The following NOL3 variants were observed in gnomAD, a reference collection of about 807,000 sequenced individuals.
NOL3 encodes the protein nucleolar protein 3, also known as muscle-enriched cytoplasmic protein.
A neutral mutation model predicts 19.2 loss-of-function variants in NOL3; 18 were observed. The observed-to-expected ratio is 0.94, with a 90% CI of 0.65 to 1.39. NOL3 has a LOEUF of 1.39. Among genes scored for constraint, NOL3 ranks in the 40% most tolerant of loss-of-function variants. The pLI is 0.00. For missense variants in NOL3, 290 were observed against 289.5 expected (o/e 1.00, Z -0.01); for synonymous variants, 127 against 137.3 (o/e 0.93, Z 0.52).
chr16:67,173,659 G>A (rs781151259), intron 1 of NOL3: 4 of 588,354 alleles, frequency 6.8e-6, no homozygotes, highest in African/African-American at 5.6e-5. Context: ...AGGATGGTGA[G>A]AGAAATATTC....
At chr16:67,175,105 G>A (rs2032095213) in exon 4 of NOL3, 1 of 1,614,150 alleles carries the variant, frequency 6.2e-7, no homozygotes, top group Non-Finnish European at 8.5e-7. Context: ...TAGGACCTGG[G>A]ATGCTGCTGG....
intron 1 of NOL3, chr16:67,171,149 T>G (rs1313732124): frequency 6.6e-6 from 1 of 152,200 alleles, no homozygotes; most frequent in Non-Finnish European, 1.5e-5. Flanking sequence ...CTGTCCCGAG[T>G]AGGTGCTGTC....
chr16:67,174,745 G>C (rs2032049045), exon 3 of NOL3: 1 of 1,610,130 alleles, frequency 6.2e-7, no homozygotes, highest in South Asian at 1.1e-5. Context: ...GGGGCCCTGA[G>C]GGCTCCGAGG....
rs747338451 is a variant in NOL3, at chr16:67,174,412, G to GC, written c.244dup (p.Arg82ProfsTer25). 1.9e-5 allele frequency: 29 copies of GC among 1,534,668 alleles called. No individual in the cohort carries two copies. The African/African-American group carries it at 3.4e-4, about 18-fold the overall frequency. ...GCCAGGAGCTGCTACGCTGTGCCCA[G>GC]CGTACCGCGGGCGCGCCGGACCCCG... On this transcript the variant is annotated frameshift_variant, in exon 2 of 4. Coordinates refer to ENST00000268605, the Ensembl canonical transcript of NOL3. LOFTEE classifies it high-confidence loss of function.
exon 2 of NOL3, chr16:67,174,250 G>C (rs2031970730): frequency 1.2e-6 from 2 of 1,612,626 alleles, no homozygotes; most frequent in Admixed American, 1.7e-5. Flanking sequence ...AGGCGGACTC[G>C]GGACTGCTGT....
chr16:67,174,498 G>T, intron 2 of NOL3, 34 bp downstream of exon 2: 1 of 1,470,502 alleles, frequency 6.8e-7, no homozygotes, highest in African/African-American at 1.4e-5. Flanking sequence ...GGGCAGAGCA[G>T]GGACGGGGCT....
At chr16:67,173,034 G>A (rs1356408162) in intron 1 of NOL3, 1 of 146,466 alleles carries the variant, frequency 6.8e-6, no homozygotes, top group Non-Finnish European at 1.5e-5. Context: ...GGAGGCGGAG[G>A]TTGCAGTGAG....
At chr16:67,175,138 G>T (rs1001641499) in exon 4 of NOL3, 2 of 1,612,860 alleles carry the variant, frequency 1.2e-6, no homozygotes, top group African/African-American at 1.3e-5. Flanking sequence ...TGCCACCAAG[G>T]CTCGGTCCAG....
chr16:67,171,032 GA>G (rs958957844), intron 1 of NOL3: 3 of 152,296 alleles, frequency 2.0e-5, no homozygotes, highest in African/African-American at 7.2e-5. Context: ...TCTACCCCCA[GA>G]CAGGATAAAG....
chr16:67,175,418 T>A, exon 4 of NOL3: 1 of 1,041,338 alleles, frequency 9.6e-7, no homozygotes, highest in Non-Finnish European at 1.2e-6. Flanking sequence ...TTTCCCCTGG[T>A]GAGCCACTTG....
chr16:67,174,221 C>A, exon 2 of NOL3: 1 of 1,613,008 alleles, frequency 6.2e-7, no homozygotes, highest in Non-Finnish European at 8.5e-7. Flanking sequence ...CGAGCGGAAA[C>A]GCCTGGTCGA....
At chr16:67,171,235 T>G (rs560389679) in intron 1 of NOL3, 1 of 152,404 alleles carries the variant, frequency 6.6e-6, no homozygotes, top group Non-Finnish European at 1.5e-5. Context: ...AGAGTCTGCG[T>G]GTACACAGTG....
At chr16:67,173,171 G>A (rs1329383835) in intron 1 of NOL3, among the ~76,000 whole-genome samples, 1 of 151,740 alleles carries the variant, frequency 6.6e-6, no homozygotes, top group Admixed American at 6.6e-5. Flanking sequence ...GCAAGTATTT[G>A]TCGGTATCCT....
At position 67,174,733 on chromosome 16, in the gene NOL3, CGGGG is replaced by C; in HGVS notation, c.410_413del (p.Gly137AlafsTer86). On this transcript the variant is annotated frameshift_variant, in exon 3 of 4. Transcript: ENST00000268605. LOFTEE classifies it high-confidence loss of function. ...CCAGAGCTTCAGACCCTGACGAGGC[CGGGG>C]GCCCTGAGGGCTCCGAGGCGGTGCA... 2 of 1,610,578 alleles carry C rather than the reference CGGGG, an allele frequency of 1.2e-6. No homozygotes were observed. Among genetic ancestry groups the C allele is most frequent in the Non-Finnish European group, 1.7e-6 (2 of 1,178,714 alleles).
chr16:67,175,139 C>A, exon 4 of NOL3: 2 of 1,612,768 alleles, frequency 1.2e-6, no homozygotes, highest in Non-Finnish European at 1.7e-6. Flanking sequence ...GCCACCAAGG[C>A]TCGGTCCAGC....
intron 1 of NOL3, chr16:67,171,038 A>C (rs536089583): frequency 2.0e-5 from 3 of 152,308 alleles, no homozygotes; most frequent in Non-Finnish European, 4.4e-5. Context: ...CCCAGACAGG[A>C]TAAAGGGCAG....
At chr16:67,173,718 A>G (rs1443716968) in intron 1 of NOL3, 2 of 663,966 alleles carry the variant, frequency 3.0e-6, no homozygotes, top group Non-Finnish European at 5.1e-6. Flanking sequence ...GTGGAGTATC[A>G]GCATCAATCC....
chr16:67,174,652 C>A lies in NOL3; in HGVS notation c.327C>A (p.Cys109Ter). The A allele has an allele frequency of 6.4e-7, 1 of 1,570,904 alleles. No homozygotes were observed. The highest frequency in any genetic ancestry group is 8.6e-7 in the Non-Finnish European group (1 of 1,161,282). ...GGGACCGCAGCTATGACCCTCCATG[C>A]CCAGGCCACTGGACGCCGGAGGCAC... The change falls in exon 3 of 4, where the codon TGC (cysteine) becomes TGA (stop). Residue 109 changes from cysteine (C) to a stop codon, truncating the protein, a stop_gained. Coordinates refer to ENST00000268605, the Ensembl canonical transcript of NOL3. LOFTEE classifies it high-confidence loss of function.
chr16:67,174,934 C>A lies in NOL3; in HGVS notation c.609C>A (p.Asp203Glu), dbSNP rs777756393. 8 of 1,611,930 alleles carry A rather than the reference C, an allele frequency of 5.0e-6. No individual in the cohort carries two copies. The highest frequency in any genetic ancestry group is 6.8e-6 in the Non-Finnish European group (8 of 1,178,654). ...CCGAGCCCGACTTCGAGGAAAGGGACGAGTCCGAAGGTGTGAGTCCGCCCA... is the reference window on the plus strand; with the variant it reads ...CCGAGCCCGACTTCGAGGAAAGGGAAGAGTCCGAAGGTGTGAGTCCGCCCA... Residue 203 changes from aspartate to glutamate, a missense_variant, in exon 3 of 4, where the codon GAC becomes GAA. This residue lies in a region of NOL3 where 123 missense variants were observed against 107.0 expected (regional missense o/e 1.15). Coordinates refer to ENST00000268605, the Ensembl canonical transcript of NOL3.
Sources: gnomAD v4.1 joint callset for allele counts (sites outside exome capture counted in the v4.1 genomes callset) on GRCh38, gnomAD v4.1.1 for gene constraint, gnomAD v4.1.1 regional missense constraint, MANE v1.5 for transcripts, NCBI Gene and HGNC (gene_info 2026-07-23, HGNC 2026-07-21) for gene names.